DPP6: variants seen among roughly 807,000 people sequenced by gnomAD.
The protein encoded by DPP6 is A-type potassium channel modulatory protein DPP6.
DPP6 carries 69 observed loss-of-function variants against 122.6 expected under a neutral mutation model. The ratio of observed to expected loss-of-function variants is 0.56; its 90% CI spans 0.46 to 0.69. The LOEUF (loss-of-function observed/expected upper bound fraction) is 0.69, where lower values mean the gene tolerates loss of function less well. DPP6 is among the 30% of genes least tolerant of loss of function. The pLI is 0.00. For missense variants in DPP6, 928 were observed against 1,116.9 expected (o/e 0.83, Z 2.41); for synonymous variants, 418 against 433.1 (o/e 0.97, Z 0.43).
At chr7:154,886,521 A>G (rs1454553631) in intron 22 of DPP6, among the ~76,000 whole-genome samples, 1 of 152,156 alleles carries the variant, frequency 6.6e-6, no homozygotes, top group Non-Finnish European at 1.5e-5. Context: ...TGTGACCTGA[A>G]CCCATTTCTT....
rs572087946 is a variant in DPP6, at chr7:154,005,639, C to A, written c.51+117905C>A. Among the ~76,000 whole-genome samples, 5 of 150,162 alleles carry A rather than the reference C, an allele frequency of 3.3e-5. No individual in the cohort carries two copies. The East Asian group carries it at 9.9e-4, about 30-fold the overall frequency. ...CTGGCCCAGAGGCAGGTGACGTCGC[C>A]CAGGAGGCTGGACCTCGGGGATTGT... is the stretch of plus-strand genomic sequence containing the variant. On this transcript the variant is annotated intron_variant, in intron 1 of 25. Coordinates refer to the DPP6 transcript ENST00000404039.
chr7:154,588,858 C>T (rs935064390), intron 5 of DPP6, among the ~76,000 whole-genome samples: 2 of 152,176 alleles, frequency 1.3e-5, no homozygotes, highest in African/African-American at 4.8e-5. Flanking sequence ...TAAACTGTGA[C>T]AGTTTAGACT....
intron 1 of DPP6, among the ~76,000 whole-genome samples, chr7:154,444,901 T>C (rs950764306): frequency 6.6e-6 from 1 of 152,242 alleles, no homozygotes; most frequent in African/African-American, 2.4e-5. Context: ...TTTTAAGTTC[T>C]AAAAAGCTAC....
At chr7:154,094,932 CT>C (rs1805217580) in intron 1 of DPP6, 1 of 152,270 alleles carries the variant, frequency 6.6e-6, no homozygotes, top group African/African-American at 2.4e-5. Context: ...TCCCTTTCTA[CT>C]TTCTACATCT....
At chr7:154,568,876 T>G (rs1044866294) in intron 5 of DPP6, among the ~76,000 whole-genome samples, 1 of 152,162 alleles carries the variant, frequency 6.6e-6, no homozygotes, top group African/African-American at 2.4e-5. Flanking sequence ...GAAACAGATA[T>G]TTTAAGTTGA....
rs528171697 is a variant in DPP6, at chr7:154,697,208, G to A, written c.762+27767G>A. Among the ~76,000 whole-genome samples the A allele has an allele frequency of 5.9e-5, 9 of 152,314 alleles. No homozygotes were observed. In the South Asian group the frequency reaches 8.3e-4, roughly 14 times the overall value. On this transcript the variant is annotated intron_variant, in intron 7 of 25. Coordinates refer to ENST00000377770, the MANE Select transcript of DPP6 (RefSeq NM_130797.4). ...TGCATCATTCAAGGTGTCCCGTCATGTTCCTGGCAGAGTTGGCTTCATATC... is the reference window on the plus strand; with the variant it reads ...TGCATCATTCAAGGTGTCCCGTCATATTCCTGGCAGAGTTGGCTTCATATC...
At chr7:154,272,323 A>C (rs1803849199) in intron 1 of DPP6, among the ~76,000 whole-genome samples, 1 of 152,244 alleles carries the variant, frequency 6.6e-6, no homozygotes, top group African/African-American at 2.4e-5. Context: ...GACTACAGAG[A>C]ACACACCTCT....
At chr7:154,696,400 C>G (rs1039698942) in intron 7 of DPP6, among the ~76,000 whole-genome samples, 2 of 152,148 alleles carry the variant, frequency 1.3e-5, no homozygotes, top group South Asian at 2.1e-4. Flanking sequence ...CAAGTTTACC[C>G]GGGAGTCCAG....
chr7:154,406,057 T>C (rs1417625754), intron 1 of DPP6, among the ~76,000 whole-genome samples: 1 of 152,166 alleles, frequency 6.6e-6, no homozygotes, highest in South Asian at 2.1e-4. Context: ...ATAAATCTTA[T>C]ATTAATGCTA....
At chr7:154,433,814 CG>C (rs889971162) in intron 1 of DPP6, among the ~76,000 whole-genome samples, 2 of 152,212 alleles carry the variant, frequency 1.3e-5, no homozygotes, top group African/African-American at 4.8e-5. Flanking sequence ...TGATTACCTT[CG>C]CGTTTCCTTA....
intron 1 of DPP6, among the ~76,000 whole-genome samples, chr7:154,116,962 T>TC (rs879603530): frequency 1.3e-5 from 2 of 152,226 alleles, no homozygotes; most frequent in Admixed American, 6.5e-5. Flanking sequence ...ACCCTAGGAC[T>TC]CCCCAAGATC....
chr7:153,772,211 G>C, the DPP6 span, among the ~76,000 whole-genome samples: 3 of 152,094 alleles, frequency 2.0e-5, no homozygotes, highest in African/African-American at 7.2e-5. Flanking sequence ...AGCCTCCTGA[G>C]TAGCTGGGAT....
intron 1 of DPP6, among the ~76,000 whole-genome samples, chr7:154,137,650 T>TGGGGG (rs1419049474): frequency 4.0e-4 from 4 of 10,054 alleles, no homozygotes; most frequent in Non-Finnish European, 6.3e-4. Context: ...GTGGGGGGGG[T>TGGGGG]GGGGGGGTGG....
intron 7 of DPP6, among the ~76,000 whole-genome samples, chr7:154,716,806 A>G (rs774244472): frequency 6.8e-6 from 1 of 148,106 alleles, no homozygotes; most frequent in Non-Finnish European, 1.5e-5. Context: ...AATGTGGTAC[A>G]GTGTGATTTT....
At chr7:154,137,877 T>C (rs1459402734) in intron 1 of DPP6, among the ~76,000 whole-genome samples, 3 of 152,146 alleles carry the variant, frequency 2.0e-5, no homozygotes, top group Non-Finnish European at 4.4e-5. Context: ...GGATGCAAAA[T>C]CAGTGTGGCT....
At chr7:154,665,271 TCA>T (rs994952421) in intron 6 of DPP6, among the ~76,000 whole-genome samples, 1 of 152,230 alleles carries the variant, frequency 6.6e-6, no homozygotes, top group African/African-American at 2.4e-5. Context: ...TTGGCCTTGG[TCA>T]TTTGCTTAAG....
intron 1 of DPP6, among the ~76,000 whole-genome samples, chr7:154,395,340 G>A (rs1814988095): frequency 6.6e-6 from 1 of 152,124 alleles, no homozygotes; most frequent in Non-Finnish European, 1.5e-5. Flanking sequence ...TATTGTAGCG[G>A]GTAGCATTGA....
chr7:154,437,799 G>C (rs528454336), intron 1 of DPP6, among the ~76,000 whole-genome samples: 5 of 152,096 alleles, frequency 3.3e-5, no homozygotes, highest in African/African-American at 1.2e-4. Context: ...AGCTGGACAC[G>C]GTGGTGGACG....
chr7:154,820,617 A>G (rs902013276), intron 16 of DPP6, among the ~76,000 whole-genome samples: 2 of 152,158 alleles, frequency 1.3e-5, no homozygotes, highest in African/African-American at 4.8e-5. Flanking sequence ...GCCCTAGAAA[A>G]TACAACCAAA....
Sources: allele counts gnomAD v4.1 joint callset (sites outside exome capture counted in the v4.1 genomes callset), GRCh38; gene constraint gnomAD v4.1.1; transcripts MANE v1.5; gene names NCBI Gene and HGNC (gene_info 2026-07-23, HGNC 2026-07-21).